ZFHX3: variants seen among roughly 807,000 people sequenced by gnomAD.
The protein encoded by ZFHX3 is zinc finger homeobox protein 3.
A neutral mutation model predicts 279.1 loss-of-function variants in ZFHX3; 42 were observed. The ratio of observed to expected loss-of-function variants is 0.15; its 90% CI spans 0.12 to 0.19. ZFHX3 has a LOEUF of 0.19. ZFHX3 is among the 10% of genes least tolerant of loss of function. The probability of loss-of-function intolerance (pLI) is 1.00; values close to 1 mark genes in which losing one functional copy is unlikely to be tolerated. For synonymous variants in ZFHX3, 2,293 were observed against 1,957.8 expected (o/e 1.17, Z -4.52); for missense variants, 4,981 against 4,754.0 (o/e 1.05, Z -1.40).
chr16:73,169,877 C>T (rs1158756082), intron 5 of ZFHX3, among the ~76,000 whole-genome samples: 3 of 152,110 alleles, frequency 2.0e-5, no homozygotes, highest in Non-Finnish European at 4.4e-5. Context: ...CTGACCCACC[C>T]AATTGTAAAT....
intron 6 of ZFHX3, among the ~76,000 whole-genome samples, chr16:73,132,131 A>G (rs892904371): frequency 1.3e-5 from 2 of 152,114 alleles, no homozygotes; most frequent in African/African-American, 4.8e-5. Context: ...ACAAAAATTT[A>G]AAAATTAGCC....
At chr16:73,537,507 G>A (rs1382575484) in intron 2 of ZFHX3, among the ~76,000 whole-genome samples, 2 of 151,906 alleles carry the variant, frequency 1.3e-5, no homozygotes, top group African/African-American at 4.8e-5. Flanking sequence ...TAGTAGAGAT[G>A]GGGTTTCGCC....
chr16:72,874,087 G>A (rs1454307834), intron 4 of ZFHX3, among the ~76,000 whole-genome samples: 1 of 152,038 alleles, frequency 6.6e-6, no homozygotes, highest in African/African-American at 2.4e-5. Flanking sequence ...GTAAGATAAA[G>A]CAAGTGGGCG....
intron 5 of ZFHX3, among the ~76,000 whole-genome samples, chr16:73,166,731 A>G (rs982818937): frequency 6.6e-6 from 1 of 152,208 alleles, no homozygotes; most frequent in Non-Finnish European, 1.5e-5. Flanking sequence ...GAAGGCAGGA[A>G]CAAGAGCATT....
chr16:73,307,284 A>T (rs561181625), intron 4 of ZFHX3, among the ~76,000 whole-genome samples: 1 of 152,266 alleles, frequency 6.6e-6, no homozygotes, highest in African/African-American at 2.4e-5. Flanking sequence ...GTTCTCTCCT[A>T]ATTGCCTGGG....
intron 2 of ZFHX3, among the ~76,000 whole-genome samples, chr16:73,542,399 A>T (rs1018660300): frequency 1.9e-4 from 29 of 152,084 alleles, no homozygotes; most frequent in Non-Finnish European, 7.4e-5. Context: ...ATTTTTATAC[A>T]ACTGAGCTAA....
At chr16:73,058,934 T>A in exon 1 of ZFHX3, 1 of 155,938 alleles carries the variant, frequency 6.4e-6, no homozygotes. Context: ...CGGCGGCGGC[T>A]GCGGCCGGGA....
intron 2 of ZFHX3, among the ~76,000 whole-genome samples, chr16:73,482,283 G>T (rs2018883143): frequency 1.3e-5 from 2 of 152,134 alleles, no homozygotes; most frequent in Admixed American, 1.3e-4. Flanking sequence ...GGCAAATTTT[G>T]CAAGCCAACA....
At chr16:73,072,145 G>C (rs1386308482) in intron 8 of ZFHX3, among the ~76,000 whole-genome samples, 1 of 152,194 alleles carries the variant, frequency 6.6e-6, no homozygotes, top group Non-Finnish European at 1.5e-5. Context: ...TCACCACTGG[G>C]TTGGATAGAA....
intron 2 of ZFHX3, among the ~76,000 whole-genome samples, chr16:73,498,311 G>A (rs569973478): frequency 1.3e-5 from 2 of 152,274 alleles, no homozygotes; most frequent in African/African-American, 4.8e-5. Context: ...AAACATTGGG[G>A]GACATGTGGG....
chr16:73,562,937 C>G (rs2020392738), intron 2 of ZFHX3, among the ~76,000 whole-genome samples: 1 of 152,166 alleles, frequency 6.6e-6, no homozygotes, highest in South Asian at 2.1e-4. Context: ...GGAAGATAAG[C>G]AGAAAATCCT....
intron 8 of ZFHX3, among the ~76,000 whole-genome samples, chr16:73,074,305 T>A (rs560069093): frequency 6.6e-6 from 1 of 152,354 alleles, no homozygotes; most frequent in South Asian, 2.1e-4. Context: ...CTCCTCATAT[T>A]CAGCTCTCTG....
intron 8 of ZFHX3, among the ~76,000 whole-genome samples, chr16:73,065,580 TGTGTGTGTG>T (rs1965739462): frequency 7.4e-6 from 1 of 134,276 alleles, no homozygotes; most frequent in Non-Finnish European, 1.7e-5. Context: ...TGTGTGTGTG[TGTGTGTGTG>T]TGTGTGTGTG....
At chr16:72,942,498 G>A (rs577476996) in intron 3 of ZFHX3, among the ~76,000 whole-genome samples, 5 of 152,156 alleles carry the variant, frequency 3.3e-5, no homozygotes, top group South Asian at 2.1e-4. Flanking sequence ...ATAGAGAATC[G>A]GGGGGATTCG....
intron 1 of ZFHX3, among the ~76,000 whole-genome samples, chr16:72,993,392 T>G (rs1963165576): frequency 6.6e-6 from 1 of 152,216 alleles, no homozygotes; most frequent in African/African-American, 2.4e-5. Flanking sequence ...CAGGCCCCCC[T>G]ACCGTTAGCT....
chr16:73,483,938 T>G (rs1427293627), intron 2 of ZFHX3, among the ~76,000 whole-genome samples: 11 of 151,464 alleles, frequency 7.3e-5, no homozygotes, highest in East Asian at 5.8e-4. Context: ...TTGTTTTTTT[T>G]TTTTTTTTTT....
At chr16:72,843,114 G>A (rs576284821) in intron 4 of ZFHX3, among the ~76,000 whole-genome samples, 9 of 152,142 alleles carry the variant, frequency 5.9e-5, no homozygotes, top group African/African-American at 9.7e-5. Flanking sequence ...CCTGGTCACC[G>A]GCAGGTTCTA....
At chr16:73,363,113 C>A (rs569139638) in intron 3 of ZFHX3, among the ~76,000 whole-genome samples, 1 of 152,084 alleles carries the variant, frequency 6.6e-6, no homozygotes, top group Non-Finnish European at 1.5e-5. Context: ...CCAGGCCACA[C>A]GGAATAGAAT....
intron 4 of ZFHX3, among the ~76,000 whole-genome samples, chr16:72,883,784 T>A (rs894473079): frequency 6.6e-6 from 1 of 152,230 alleles, no homozygotes; most frequent in Non-Finnish European, 1.5e-5. Context: ...GCTTAAAATT[T>A]CAGTCACCCC....
Sources: gnomAD v4.1 joint callset for allele counts (sites outside exome capture counted in the v4.1 genomes callset) on GRCh38, gnomAD v4.1.1 for gene constraint, MANE v1.5 for transcripts, NCBI Gene and HGNC (gene_info 2026-07-23, HGNC 2026-07-21) for gene names.